The following PCDHGB1 variants were observed in gnomAD, a reference collection of about 807,000 sequenced individuals.
PCDHGB1 encodes protocadherin gamma subfamily B, 1, also known as protocadherin gamma-B1.
PCDHGB1 carries 34 observed loss-of-function variants against 56.6 expected under a neutral mutation model. The ratio of observed to expected loss-of-function variants is 0.60; its 90% confidence interval spans 0.46 to 0.80. The LOEUF is 0.80. Among genes scored for constraint, PCDHGB1 ranks in the 30% least tolerant of loss-of-function variants. PCDHGB1 has a pLI of 0.00. For synonymous variants in PCDHGB1, 561 were observed against 505.9 expected, an observed-to-expected ratio of 1.11 and a Z score of -1.46; for missense variants, 1,278 against 1,204.6, an observed-to-expected ratio of 1.06 and a Z score of -0.90.
At chr5:141,510,158 A>G (rs1406170246) in intron 3 of PCDHGB1, among the ~76,000 whole-genome samples, 1 of 152,018 alleles carries the variant, frequency 6.6e-6, no homozygotes, top group African/African-American at 2.4e-5. Flanking sequence ...CTGTAATCTC[A>G]GCTACTCAGG....
intron 1 of PCDHGB1, chr5:141,429,265 T>C (rs1297239650): frequency 6.6e-6 from 1 of 152,148 alleles, no homozygotes; most frequent in Non-Finnish European, 1.5e-5. Flanking sequence ...GAGGAATAAA[T>C]TTTTTTCCTG....
At chr5:141,427,570 C>A in intron 1 of PCDHGB1, 1 of 662,270 alleles carries the variant, frequency 1.5e-6, no homozygotes, top group Non-Finnish European at 2.8e-6. Flanking sequence ...GGCAAGCCTC[C>A]GCTCTCATCC....
At chr5:141,353,702 T>C (rs937146856) in intron 1 of PCDHGB1, among the ~76,000 whole-genome samples, 10 of 152,372 alleles carry the variant, frequency 6.6e-5, no homozygotes, top group Middle Eastern at 3.4e-3. Flanking sequence ...TCCATACTTC[T>C]TGTTTCTTTA....
At chr5:141,355,920 C>G (rs1760043730) in intron 1 of PCDHGB1, 1 of 1,613,790 alleles carries the variant, frequency 6.2e-7, no homozygotes, top group Non-Finnish European at 8.5e-7. Context: ...ATAATGCTCC[C>G]GTGTTCACTC....
In PCDHGB1 at chr5:141,505,419, C is replaced by T; in HGVS notation, c.2495C>T (p.Thr832Ile). 3 of 1,614,258 alleles carry T rather than the reference C, an allele frequency of 1.9e-6. No homozygotes were observed. Among genetic ancestry groups the T allele is most frequent in the Non-Finnish European group, 2.5e-6 (3 of 1,180,054 alleles). Residue 832 changes from threonine to isoleucine, a missense_variant, in exon 3 of 4, where the codon ACC becomes ATC. By Grantham distance (89) the Thr-to-Ile change is moderately conservative. Transcript: ENST00000523390. The part of the protein sequence containing the change: ...SGSQNGDDTG[T>I]WPNNQFDTEM... ...TCCCAAAATGGCGATGACACCGGCA[C>T]CTGGCCCAACAACCAGTTTGACACA...
At chr5:141,374,300 C>A (rs746754972) in intron 1 of PCDHGB1, 38 of 1,613,830 alleles carry the variant, frequency 2.4e-5, no homozygotes, top group Non-Finnish European at 3.1e-5. Flanking sequence ...AGGTAGGATG[C>A]AGCTTTTCTC....
chr5:141,366,422 G>A (rs1334545413), intron 1 of PCDHGB1: 6 of 1,614,152 alleles, frequency 3.7e-6, no homozygotes, highest in South Asian at 1.1e-5. Context: ...GGTGGCAGTG[G>A]CTGCAGTCTC....
chr5:141,366,146 T>C, intron 1 of PCDHGB1: 1 of 1,614,182 alleles, frequency 6.2e-7, no homozygotes, highest in South Asian at 1.1e-5. Flanking sequence ...CTGGCTGTCC[T>C]ACCGCCTGCT....
At chr5:141,374,916 C>T in intron 1 of PCDHGB1, 2 of 1,613,924 alleles carry the variant, frequency 1.2e-6, no homozygotes, top group Non-Finnish European at 1.7e-6. Flanking sequence ...GGGGAAGTAA[C>T]TTATTCCTTT....
chr5:141,453,101 T>TTTTTGTTTTG (rs879618609), intron 1 of PCDHGB1, among the ~76,000 whole-genome samples: 1 of 152,012 alleles, frequency 6.6e-6, no homozygotes, highest in Non-Finnish European at 1.5e-5. Flanking sequence ...TTCTGTTGCT[T>TTTTTGTTTTG]TTTTGTTTTG....
In PCDHGB1 at chr5:141,350,834, C is replaced by G; in HGVS notation, c.574C>G (p.Leu192Val). 1.2e-6 allele frequency: 2 copies of G among 1,614,054 alleles called. No individual in the cohort carries two copies. The highest frequency in any genetic ancestry group is 1.7e-6 in the Non-Finnish European group (2 of 1,179,890). The change falls in exon 1 of 4, where the codon CTG becomes GTG. Residue 192 changes from leucine to valine, a missense_variant. Coordinates refer to ENST00000523390, the MANE Select transcript of PCDHGB1 (RefSeq NM_018922.3). ...SPDGSKYPVL[L>V]LEKPLDREHQ... ...TGATGGAAGTAAATATCCGGTATTA[C>G]TGCTGGAAAAACCTCTAGACAGGGA...
At chr5:141,483,743 C>G (rs1360515518) in intron 1 of PCDHGB1, among the ~76,000 whole-genome samples, 2 of 152,022 alleles carry the variant, frequency 1.3e-5, no homozygotes, top group Non-Finnish European at 2.9e-5. Context: ...AAAGGATATT[C>G]CTGAGGATCG....
chr5:141,397,205 AAG>A (rs896486095), intron 1 of PCDHGB1, among the ~76,000 whole-genome samples: 76 of 152,336 alleles, frequency 5.0e-4, no homozygotes, highest in African/African-American at 1.8e-3. Context: ...GATATGACAT[AAG>A]AGAAGTATTT....
Position 141,365,841 on chromosome 5 carries a change from A to G in PCDHGB1, c.2409+13172A>G, listed in dbSNP as rs765506735. 13 of 1,613,714 alleles carry G rather than the reference A, an allele frequency of 8.1e-6. No individual in the cohort carries two copies. The Admixed American group carries it at 8.3e-5, about 10-fold the overall frequency. On this transcript the variant is annotated intron_variant, in intron 1 of 3. Coordinates refer to ENST00000523390, the MANE Select transcript of PCDHGB1 (RefSeq NM_018922.3). ...TTTCAGGGGGCGCCCTTGTCCTCCT[A>G]TGTATCCATTAACTCTGACACCGGT... is the stretch of plus-strand genomic sequence containing the variant.
chr5:141,442,774 AT>A (rs2098342677), intron 1 of PCDHGB1, among the ~76,000 whole-genome samples: 1 of 152,188 alleles, frequency 6.6e-6, no homozygotes, highest in Non-Finnish European at 1.5e-5. Flanking sequence ...TATGTGTTTG[AT>A]TATATTTTAT....
At position 141,490,632 on chromosome 5, in the gene PCDHGB1, A is replaced by C; in HGVS notation, c.2410-4175A>C. Reference sequence around the variant, plus strand: ...AGCAGCTTTACACTGCTTACATCCTAGAAAACCGGCCTCCGGGCTCCCTTC... The same window carrying C: ...AGCAGCTTTACACTGCTTACATCCTCGAAAACCGGCCTCCGGGCTCCCTTC... On this transcript the variant is annotated intron_variant, in intron 1 of 3. Transcript: ENST00000523390. This position sits in a 1 kb window ranked among gnomAD's most constrained non-coding sequence, Gnocchi z 5.4. The C allele has an allele frequency of 1.2e-6, 2 of 1,614,196 alleles. No individual in the cohort carries two copies. Among genetic ancestry groups the C allele is most frequent in the South Asian group, 1.1e-5 (1 of 91,088 alleles).
chr5:141,444,494 A>G (rs892854259), intron 1 of PCDHGB1, among the ~76,000 whole-genome samples: 1 of 152,010 alleles, frequency 6.6e-6, no homozygotes, highest in Admixed American at 6.6e-5. Flanking sequence ...ATATTGTGTA[A>G]TACTTTGCTC....
chr5:141,456,103 T>C lies in PCDHGB1; in HGVS notation c.2410-38704T>C, dbSNP rs185224428. Among the ~76,000 whole-genome samples the C allele has an allele frequency of 2.6e-3, 390 of 152,142 alleles. 3 individuals are homozygous for C. The highest frequency in any genetic ancestry group is 6.7e-3 in the Admixed American group (103 of 15,290). On this transcript the variant is annotated intron_variant, in intron 1 of 3. Coordinates refer to ENST00000523390, the MANE Select transcript of PCDHGB1 (RefSeq NM_018922.3). The stretch of plus-strand genomic sequence containing the variant: ...CAGTAGAGACGGGATTTCACCGTGT[T>C]AGCCAGGATGGTCTCCATCTCCTGA...
intron 1 of PCDHGB1, chr5:141,405,437 T>C: frequency 7.0e-7 from 1 of 1,433,230 alleles, no homozygotes; most frequent in Non-Finnish European, 9.6e-7. Flanking sequence ...GTTTTGTTTT[T>C]GAGACAGAGT....
Sources: allele counts gnomAD v4.1 joint callset (sites outside exome capture counted in the v4.1 genomes callset), GRCh38; gene constraint gnomAD v4.1.1; non-coding constraint Gnocchi (gnomAD v3.1); transcripts MANE v1.5; gene names NCBI Gene and HGNC (gene_info 2026-07-23, HGNC 2026-07-21).